Variants in CABCOCO1 observed in about 807,000 individuals in gnomAD.
CABCOCO1 encodes ciliary associated calcium binding coiled-coil 1.
Under a neutral mutation model 35.7 loss-of-function variants are expected in CABCOCO1, and 28 were observed. The observed-to-expected ratio is 0.78, with a 90% CI of 0.58 to 1.07. The LOEUF is 1.07. CABCOCO1 is among the 50% of genes least tolerant of loss of function. CABCOCO1 has a pLI of 0.00. For missense variants in CABCOCO1, 326 were observed against 309.2 expected (o/e 1.05, Z -0.41); for synonymous variants, 95 against 100.1 (o/e 0.95, Z 0.30).
chr10:61,689,515 ACT>A (rs1840068546), intron 4 of CABCOCO1, among the ~76,000 whole-genome samples: 1 of 152,150 alleles, frequency 6.6e-6, no homozygotes, highest in Non-Finnish European at 1.5e-5. Flanking sequence ...ACTCAGAGAG[ACT>A]CAGCTGCCGG....
chr10:61,677,825 T>G (rs1213455211), intron 2 of CABCOCO1, among the ~76,000 whole-genome samples: 1 of 144,970 alleles, frequency 6.9e-6, no homozygotes, highest in Non-Finnish European at 1.5e-5. Context: ...TTTTTTTTTT[T>G]TTTTTTTTTT....
At chr10:61,742,903 T>G (rs900205032) in intron 5 of CABCOCO1, among the ~76,000 whole-genome samples, 3 of 152,148 alleles carry the variant, frequency 2.0e-5, no homozygotes, top group Non-Finnish European at 1.5e-5. Flanking sequence ...GGAGGGGGAC[T>G]AAAAGGCACT....
intron 5 of CABCOCO1, among the ~76,000 whole-genome samples, chr10:61,697,957 A>G (rs1327193825): frequency 6.6e-6 from 1 of 152,118 alleles, no homozygotes; most frequent in Non-Finnish European, 1.5e-5. Flanking sequence ...GTAAAAATCT[A>G]GTGTGGTGCT....
chr10:61,755,077 G>A (rs904683142), intron 5 of CABCOCO1, among the ~76,000 whole-genome samples: 1 of 152,124 alleles, frequency 6.6e-6, no homozygotes, highest in East Asian at 1.9e-4. Context: ...CATTTACAGA[G>A]TATATTAAGA....
At chr10:61,747,018 G>A (rs1432196672) in intron 5 of CABCOCO1, among the ~76,000 whole-genome samples, 1 of 152,096 alleles carries the variant, frequency 6.6e-6, no homozygotes, top group African/African-American at 2.4e-5. Context: ...ATGCTAGTAA[G>A]ATGGTGAAGT....
chr10:61,711,577 AAGTT>A (rs1840734274), intron 5 of CABCOCO1, among the ~76,000 whole-genome samples: 1 of 152,086 alleles, frequency 6.6e-6, no homozygotes, highest in Non-Finnish European at 1.5e-5. Flanking sequence ...GATAAAGACA[AAGTT>A]AGTAAAAATA....
At chr10:61,698,079 C>A (rs760386568) in intron 5 of CABCOCO1, among the ~76,000 whole-genome samples, 6 of 151,970 alleles carry the variant, frequency 3.9e-5, no homozygotes, top group African/African-American at 4.8e-5. Context: ...GGCAACACAT[C>A]AAATCTTAGA....
At chr10:61,724,133 A>G (rs7909049) in intron 5 of CABCOCO1, among the ~76,000 whole-genome samples, 1,929 of 152,312 alleles carry the variant, frequency 0.013, 31 homozygotes, top group African/African-American at 0.044. Flanking sequence ...TGATCAAACT[A>G]TATACTTTCC....
chr10:61,697,232 A>G (rs1840319366), intron 5 of CABCOCO1, among the ~76,000 whole-genome samples: 1 of 152,106 alleles, frequency 6.6e-6, no homozygotes, highest in Non-Finnish European at 1.5e-5. Context: ...TATTACAGCT[A>G]AAAATTGCAG....
chr10:61,702,872 T>C (rs7907498), intron 5 of CABCOCO1, among the ~76,000 whole-genome samples: 34,959 of 150,812 alleles, frequency 0.23, 4,227 homozygotes, highest in African/African-American at 0.3. Flanking sequence ...ATGCAAATTA[T>C]GCAGCTGCAT....
intron 5 of CABCOCO1, among the ~76,000 whole-genome samples, chr10:61,700,028 C>T (rs977252588): frequency 6.6e-6 from 1 of 151,966 alleles, no homozygotes; most frequent in Non-Finnish European, 1.5e-5. Context: ...AAACCTAAAT[C>T]AATATCTTAA....
chr10:61,701,890 G>C, intron 5 of CABCOCO1: 1 of 835,140 alleles, frequency 1.2e-6, no homozygotes, highest in Non-Finnish European at 1.4e-6. Flanking sequence ...GAAGAGATTT[G>C]TCTTGTCTGC....
chr10:61,681,041 G>C, intron 2 of CABCOCO1, 102 bp from the exon 3 acceptor site: 1 of 545,908 alleles, frequency 1.8e-6, no homozygotes, highest in Non-Finnish European at 2.6e-6. Flanking sequence ...AATATTTTCA[G>C]ATTATGGGCA....
At chr10:61,757,795 C>T (rs961140964) in intron 5 of CABCOCO1, among the ~76,000 whole-genome samples, 1 of 151,774 alleles carries the variant, frequency 6.6e-6, no homozygotes, top group African/African-American at 2.4e-5. Context: ...ATCCAGAGGA[C>T]AGGGATGTGA....
At chr10:61,693,521 C>T (rs921190166) in intron 5 of CABCOCO1, among the ~76,000 whole-genome samples, 2 of 151,998 alleles carry the variant, frequency 1.3e-5, no homozygotes, top group Non-Finnish European at 2.9e-5. Context: ...AAGAAGTGTC[C>T]ATTTCATAAG....
intron 5 of CABCOCO1, among the ~76,000 whole-genome samples, chr10:61,706,348 G>A (rs1840592495): frequency 6.6e-6 from 1 of 152,144 alleles, no homozygotes; most frequent in Non-Finnish European, 1.5e-5. Context: ...GAATGTTTTT[G>A]AAATAATATG....
At position 61,720,917 on chromosome 10, in the gene CABCOCO1, C is replaced by CTTTTTTTTTTTT. The variant is rs71018996; in HGVS notation, c.552+30310_552+30321dup. Among the ~76,000 whole-genome samples, 53 of 66,016 alleles carry CTTTTTTTTTTTT rather than the reference C, an allele frequency of 8.0e-4. 10 individuals are homozygous for CTTTTTTTTTTTT. The highest frequency in any genetic ancestry group is 1.1e-3 in the Non-Finnish European group (38 of 33,070). The allele number at this position is 66,016 out of a possible 152,430, so 43.3% of individuals were successfully genotyped here. A position where few individuals can be genotyped will look rare whatever the true frequency, so the allele number is the denominator to read the frequency against. On this transcript the variant is annotated intron_variant, in intron 5 of 7. Coordinates refer to ENST00000648843, the MANE Select transcript of CABCOCO1 (RefSeq NM_001366906.2). Reference sequence around the variant, plus strand: ...TGCTTTTTCTTCTTTTCTTTTCATTCTTTTTTTTTTTTTTTTTTTTTTTTT... The same window carrying CTTTTTTTTTTTT: ...TGCTTTTTCTTCTTTTCTTTTCATTCTTTTTTTTTTTTTTTTTTTTTTTTTTTTTTTTTTTTT...
chr10:61,740,821 T>A (rs1206211347), intron 5 of CABCOCO1, among the ~76,000 whole-genome samples: 1 of 152,100 alleles, frequency 6.6e-6, no homozygotes, highest in African/African-American at 2.4e-5. Context: ...AAATCATAAC[T>A]CCCCAAAATT....
chr10:61,719,657 C>T (rs897191518), intron 5 of CABCOCO1, among the ~76,000 whole-genome samples: 1 of 152,150 alleles, frequency 6.6e-6, no homozygotes, highest in Non-Finnish European at 1.5e-5. Context: ...CGCAGTGGCT[C>T]ATGCCTGTAA....
Sources: allele counts gnomAD v4.1 joint callset (sites outside exome capture counted in the v4.1 genomes callset), GRCh38; gene constraint gnomAD v4.1.1; transcripts MANE v1.5; gene names NCBI Gene and HGNC (gene_info 2026-07-23, HGNC 2026-07-21).